The following PIGO variants were observed in gnomAD, a reference collection of about 807,000 sequenced individuals.
PIGO encodes the protein phosphatidylinositol glycan anchor biosynthesis class O.
In PIGO, 66 loss-of-function variants were observed where a neutral mutation model predicts 86.9. That is an observed-to-expected ratio of 0.76 (90% confidence interval 0.62 to 0.93). The LOEUF (loss-of-function observed/expected upper bound fraction) is 0.93, where lower values mean the gene tolerates loss of function less well. PIGO is among the 40% of genes least tolerant of loss of function. The probability of loss-of-function intolerance (pLI) is 0.00; values close to 1 mark genes in which losing one functional copy is unlikely to be tolerated. For missense variants in PIGO, 1,202 were observed against 1,359.1 expected, an observed-to-expected ratio of 0.88 and a Z score of 1.82; for synonymous variants, 570 against 556.4, an observed-to-expected ratio of 1.02 and a Z score of -0.34.
rs1204531005 is a variant in PIGO, at chr9:35,095,206, G to A, written c.360C>T (p.Leu120=). 2 of 1,614,228 alleles carry A rather than the reference G, an allele frequency of 1.2e-6. No individual in the cohort carries two copies. The highest frequency in any genetic ancestry group is 1.7e-5 in the Admixed American group (1 of 60,030). Residue 120 remains leucine (L), a synonymous_variant, in exon 2 of 11, where the codon CTC becomes CTT. Transcript: ENST00000378617. Reference sequence around the variant, plus strand: ...TAGGAGGGTCAACCTGAGATCGGTAGAGCCGGGCATGGTGGGGCTGAATCT... The same window carrying A: ...TAGGAGGGTCAACCTGAGATCGGTAAAGCCGGGCATGGTGGGGCTGAATCT... ...ILEIQPHHAR[L]YRSQVDPPTT... is the part of the protein sequence containing the mutation.
At chr9:35,093,869 A>T in intron 4 of PIGO, 32 bp downstream of exon 4, 4 of 1,608,356 alleles carry the variant, frequency 2.5e-6, no homozygotes, top group Non-Finnish European at 3.4e-6. Flanking sequence ...TCAGACACAA[A>T]CCCACTCCCC....
Position 35,090,517 on chromosome 9 carries a change from G to A in PIGO, c.2803C>T (p.Pro935Ser), listed in dbSNP as rs1160072970. 5 of 1,614,034 alleles carry A rather than the reference G, an allele frequency of 3.1e-6. No homozygotes were observed. The South Asian group carries it at 4.4e-5, about 14-fold the overall frequency. The change falls in exon 8 of 11, where the codon CCT becomes TCT. Residue 935 changes from proline (P) to serine (S), a missense_variant. Coordinates refer to ENST00000378617, the MANE Select transcript of PIGO (RefSeq NM_032634.4). ...GTGTTGGCTCCCACTAGCAAAGCAG[G>A]CAGCCAAGTACAGGAGCCATGACCC... ...PEGHGSCTWL[P>S]ALLVGANTFA...
At position 35,090,168 on chromosome 9, in the gene PIGO, T is replaced by C. The variant is rs763975861; in HGVS notation, c.2967A>G (p.Glu989=). 1 of 1,614,224 alleles carries C rather than the reference T, an allele frequency of 6.2e-7. No individual in the cohort carries two copies. The highest frequency in any genetic ancestry group is 1.1e-5 in the South Asian group (1 of 91,086). ...EADARVRPEE[E]EEPLMEMRLR... ...GCCGCATCTCCATCAGTGGCTCCTC[T>C]TCCTCCTCGGGTCTGACTCTGGCAT... Residue 989 remains glutamate (E), a synonymous_variant, in exon 9 of 11, where the codon GAA becomes GAG. Transcript: ENST00000378617.
chr9:35,092,720 T>C lies in PIGO; in HGVS notation c.1167A>G (p.Gln389=). 2 of 1,613,440 alleles carry C rather than the reference T, an allele frequency of 1.2e-6. No homozygotes were observed. The highest frequency in any genetic ancestry group is 1.3e-5 in the African/African-American group (1 of 74,928). Reference sequence around the variant, plus strand: ...TCTGCAGCTGATGAAGCTCCTTAGCTTGAAGGTCCTGAGTAGCAGCTGAGT... The same window carrying C: ...TCTGCAGCTGATGAAGCTCCTTAGCCTGAAGGTCCTGAGTAGCAGCTGAGT... ...HTYSAATQDL[Q]AKELHQLQNL... The change falls in exon 7 of 11, where the codon CAA becomes CAG. Residue 389 remains glutamine (Q), a synonymous_variant. Transcript: ENST00000378617.
intron 7 of PIGO, chr9:35,090,929 T>C (rs1829389182): frequency 1.8e-6 from 1 of 571,172 alleles, no homozygotes; most frequent in Non-Finnish European, 3.1e-6. Context: ...AGTGCCATTA[T>C]ATATTCACAA....
At chr9:35,091,116 G>C in intron 7 of PIGO, 124 bp downstream of exon 7, 1 of 1,117,376 alleles carries the variant, frequency 8.9e-7, no homozygotes, top group Non-Finnish European at 1.3e-6. Flanking sequence ...GACCTTCCTA[G>C]TTGTGTGGGG....
rs535993056 is a variant in PIGO, at chr9:35,090,300, G to A, written c.2855-20C>T. ...AACCTACTGCCTCAAGAGAGGGTAT[G>A]GCTGGAATCAACAGGCCACCCTGGC... On this transcript the variant is annotated intron_variant, in intron 8 of 10. Coordinates refer to ENST00000378617, the MANE Select transcript of PIGO (RefSeq NM_032634.4). 4.5e-5 allele frequency: 72 copies of A among 1,607,546 alleles called. No individual in the cohort carries two copies. The South Asian group carries it at 7.5e-4, about 17-fold the overall frequency.
intron 7 of PIGO, 145 bp downstream of exon 7, chr9:35,091,095 G>A (rs1829395061): frequency 3.3e-6 from 3 of 908,516 alleles, no homozygotes; most frequent in East Asian, 2.6e-5. Context: ...TAAGAGAGAG[G>A]ACACCAAGAA....
chr9:35,095,663 C>A, intron 1 of PIGO, 97 bp from the exon 2 acceptor site: 2 of 1,353,776 alleles, frequency 1.5e-6, no homozygotes, highest in Non-Finnish European at 1.9e-6. Context: ...CACTTCCTCC[C>A]GGAAACCTTC....
chr9:35,089,707 G>A lies in PIGO; in HGVS notation c.3070-257C>T. The A allele has an allele frequency of 2.1e-6, 3 of 1,408,714 alleles. No homozygotes were observed. In the South Asian group the frequency reaches 4.7e-5, roughly 22 times the overall value. The allele number at this position is 1,408,714 out of a possible 1,614,324, so 87.3% of individuals were successfully genotyped here. ...ACTCAGGCTGTGCCCCCAGGATGGA[G>A]GAAGATATCAGTGCCACATCTGCCT... On this transcript the variant is annotated intron_variant, in intron 9 of 10. Coordinates refer to ENST00000378617, the MANE Select transcript of PIGO (RefSeq NM_032634.4).
intron 9 of PIGO, chr9:35,089,683 C>T: frequency 1.4e-6 from 2 of 1,422,800 alleles, no homozygotes; most frequent in South Asian, 1.5e-5. Context: ...AATGCTAACA[C>T]TCAGGCTGTG....
At position 35,091,972 on chromosome 9, in the gene PIGO, G is replaced by T. The variant is rs1472792235; in HGVS notation, c.1915C>A (p.His639Asn). ...LLCTRLAGLF[H>N]RCPEETPVCH... ...ACAGGTGTCTCTTCAGGGCAACGAT[G>T]AAAAAGCCCAGCTAGCCTTGTACAT... Residue 639 changes from histidine to asparagine, a missense_variant, in exon 7 of 11, where the codon CAT becomes AAT. By Grantham distance (68) the His-to-Asn change is moderately conservative. Transcript: ENST00000378617. 1 of 1,614,228 alleles carries T rather than the reference G, an allele frequency of 6.2e-7. No homozygotes were observed. The highest frequency in any genetic ancestry group is 8.5e-7 in the Non-Finnish European group (1 of 1,180,048).
At chr9:35,092,873 C>G in intron 6 of PIGO, 106 bp from the exon 7 acceptor site, 5 of 1,385,026 alleles carry the variant, frequency 3.6e-6, no homozygotes, top group Non-Finnish European at 4.9e-6. Flanking sequence ...GTCAAGGACC[C>G]AAACTCTGTC....
In PIGO at chr9:35,092,139, A is replaced by T. The variant is rs1199312430; in HGVS notation, c.1748T>A (p.Leu583His). 6.2e-7 allele frequency: 1 copy of T among 1,614,226 alleles called. No homozygotes were observed. Among genetic ancestry groups the T allele is most frequent in the Admixed American group, 1.7e-5 (1 of 60,028 alleles). ...CTCCCAGTGAAGCTGGACAACCAGG[A>T]GCAGGATGAATGAGCCCAAAAGGAA... The part of the protein sequence containing the change: ...TPFLLGSFIL[L>H]LVVQLHWEGQ... Residue 583 changes from leucine (L) to histidine (H), a missense_variant, in exon 7 of 11, where the codon CTC (leucine) becomes CAC (histidine). Transcript: ENST00000378617.
chr9:35,094,427 G>C, intron 2 of PIGO, 68 bp from the exon 3 acceptor site: 2 of 1,549,816 alleles, frequency 1.3e-6, no homozygotes, highest in Non-Finnish European at 1.7e-6. Flanking sequence ...GAGGAAAAGA[G>C]GCCCTTTAAA....
At position 35,092,569 on chromosome 9, in the gene PIGO, T is replaced by C; in HGVS notation, c.1318A>G (p.Ile440Val). Reference sequence around the variant, plus strand: ...AGAGAGAAACGAGCCCAAGACTCGATGCACATGGCCCGAGCTCCCCGCAGG... The same window carrying C: ...AGAGAGAAACGAGCCCAAGACTCGACGCACATGGCCCGAGCTCCCCGCAGG... ...QFLRGARAMC[I>V]ESWARFSLVR... Residue 440 changes from isoleucine to valine, a missense_variant, in exon 7 of 11, where the codon ATC (isoleucine) becomes GTC (valine). Physicochemically the swap from Ile to Val is conservative, Grantham distance 29 (BLOSUM62 3). Coordinates refer to ENST00000378617, the MANE Select transcript of PIGO (RefSeq NM_032634.4). 1.2e-6 allele frequency: 2 copies of C among 1,614,212 alleles called. No homozygotes were observed. The highest frequency in any genetic ancestry group is 1.7e-6 in the Non-Finnish European group (2 of 1,180,032).
At chr9:35,089,814 T>G (rs1307936614) in intron 9 of PIGO, 3 of 1,403,032 alleles carry the variant, frequency 2.1e-6, no homozygotes, top group Non-Finnish European at 2.8e-6. Context: ...GTCTGTCCAC[T>G]GATAGAGTAA....
At chr9:35,094,453 C>G (rs1213521929) in intron 2 of PIGO, 94 bp from the exon 3 acceptor site, 1 of 1,417,550 alleles carries the variant, frequency 7.1e-7, no homozygotes, top group Non-Finnish European at 9.5e-7. Flanking sequence ...ATCAGAAGTC[C>G]CAACCATGCA....
Position 35,090,607 on chromosome 9 carries a change from A to G in PIGO, c.2713T>C (p.Ser905Pro), listed in dbSNP as rs1254112297. ...WALMATQTFY[S>P]TGHQPVFPAI... ...GGAAAGACAGGCTGGTGGCCTGTGG[A>G]GTAGAAGGTCTGTGTGGCCATGAGG... The change falls in exon 8 of 11, where the codon TCC becomes CCC. Residue 905 changes from serine to proline, a missense_variant. Physicochemically the swap from Ser to Pro is moderately conservative, Grantham distance 74. Coordinates refer to ENST00000378617, the MANE Select transcript of PIGO (RefSeq NM_032634.4). 5 of 1,614,078 alleles carry G rather than the reference A, an allele frequency of 3.1e-6. No homozygotes were observed. The highest frequency in any genetic ancestry group is 3.4e-6 in the Non-Finnish European group (4 of 1,180,032).
Sources: gnomAD v4.1 joint callset for allele counts on GRCh38, gnomAD v4.1.1 for gene constraint, MANE v1.5 for transcripts, NCBI Gene and HGNC (gene_info 2026-07-23, HGNC 2026-07-21) for gene names.